IL1RAPL2: variants seen among roughly 807,000 people sequenced by gnomAD.
The protein encoded by IL1RAPL2 is X-linked interleukin-1 receptor accessory protein-like 2.
A neutral mutation model predicts 44.1 loss-of-function variants in IL1RAPL2; 3 were observed. The observed-to-expected ratio is 0.07, with a 90% confidence interval of 0.03 to 0.18. The LOEUF (loss-of-function observed/expected upper bound fraction) is 0.18, where lower values mean the gene tolerates loss of function less well. IL1RAPL2 is among the 10% of genes least tolerant of loss of function. IL1RAPL2 has a pLI of 1.00. For synonymous variants in IL1RAPL2, 181 were observed against 178.8 expected (o/e 1.01, Z -0.10); for missense variants, 391 against 496.4 (o/e 0.79, Z 2.02).
chrX:105,123,586 C>G (rs962775549), intron 2 of IL1RAPL2, among the ~76,000 whole-genome samples: 24 of 111,397 alleles, frequency 2.2e-4, no homozygotes, highest in African/African-American at 7.5e-4. Flanking sequence ...GATTGATGAT[C>G]TGAGATGTAG....
chrX:104,830,831 G>A (rs1299892748), intron 2 of IL1RAPL2, among the ~76,000 whole-genome samples: 2 of 112,018 alleles, frequency 1.8e-5, no homozygotes, highest in Non-Finnish European at 3.8e-5. Context: ...AGTGTCACAT[G>A]GCAATTAATA....
chrX:104,829,723 T>C (rs1341096423), intron 2 of IL1RAPL2, among the ~76,000 whole-genome samples: 2 of 112,626 alleles, frequency 1.8e-5, no homozygotes, highest in African/African-American at 3.2e-5. Context: ...ATTTTGGATA[T>C]GCAATGGGTG....
At chrX:105,578,136 GT>G (rs1238871803) in intron 6 of IL1RAPL2, among the ~76,000 whole-genome samples, 1 of 105,511 alleles carries the variant, frequency 9.5e-6, no homozygotes, top group African/African-American at 3.5e-5. Context: ...GCGGTGTTTG[GT>G]TTTTTGTCCA....
At chrX:105,347,638 T>C (rs2035121444) in intron 5 of IL1RAPL2, among the ~76,000 whole-genome samples, 1 of 110,287 alleles carries the variant, frequency 9.1e-6, no homozygotes, top group Admixed American at 9.8e-5. Context: ...CTGGGCTACC[T>C]GGTTACGGTT....
intron 5 of IL1RAPL2, among the ~76,000 whole-genome samples, chrX:105,365,233 C>A (rs2035284847): frequency 9.0e-6 from 1 of 111,553 alleles, no homozygotes; most frequent in African/African-American, 3.3e-5. Context: ...TGTATCCTTG[C>A]ATTCTTAGGA....
chrX:105,093,949 T>C (rs1025978469), intron 2 of IL1RAPL2, among the ~76,000 whole-genome samples: 4 of 111,976 alleles, frequency 3.6e-5, no homozygotes, highest in Non-Finnish European at 5.6e-5. Flanking sequence ...GCACAGTATC[T>C]CTGAGGTCAG....
In IL1RAPL2 at chrX:104,841,197, C is replaced by T. The variant is rs557353284; in HGVS notation, c.82+182202C>T. On this transcript the variant is annotated intron_variant, in intron 2 of 10. Coordinates refer to ENST00000372582, the MANE Select transcript of IL1RAPL2 (RefSeq NM_017416.2). ...GGTTTAAAGTCTGTTTTATCAGAGACGGAGATTGCAACCCCTGCTTCTTTT... is the reference window on the plus strand; with the variant it reads ...GGTTTAAAGTCTGTTTTATCAGAGATGGAGATTGCAACCCCTGCTTCTTTT... Among the ~76,000 whole-genome samples, 175 of 111,701 alleles carry T rather than the reference C, an allele frequency of 1.6e-3. 1 individual carries two copies. The highest frequency in any genetic ancestry group is 4.9e-3 in the African/African-American group (152 of 30,754).
chrX:105,383,879 A>C (rs2147725473), intron 5 of IL1RAPL2, among the ~76,000 whole-genome samples: 1 of 111,660 alleles, frequency 9.0e-6, no homozygotes, highest in African/African-American at 3.2e-5. Context: ...AATTTTTTTC[A>C]TATACCCACT....
At chrX:105,099,630 A>T (rs1488728963) in intron 2 of IL1RAPL2, among the ~76,000 whole-genome samples, 3 of 104,545 alleles carry the variant, frequency 2.9e-5, no homozygotes, top group Non-Finnish European at 5.9e-5. Context: ...ACGCCTGGCT[A>T]TTTTTTTTTG....
chrX:105,223,662 C>A (rs2033988608), intron 3 of IL1RAPL2, among the ~76,000 whole-genome samples: 1 of 111,730 alleles, frequency 9.0e-6, no homozygotes, highest in East Asian at 2.8e-4. Flanking sequence ...TTCAACAGTG[C>A]AGACAAAACA....
rs370048978 is a variant in IL1RAPL2, at chrX:105,604,297, TA to T, written c.773-113064del. On this transcript the variant is annotated intron_variant, in intron 6 of 10. Coordinates refer to ENST00000372582, the MANE Select transcript of IL1RAPL2 (RefSeq NM_017416.2). ...AAAAAAGAGAGAAGACACAAATAAA[TA>T]AAAAATGAAAAATAAGGCATTAAAA... Among the ~76,000 whole-genome samples the T allele has an allele frequency of 3.9e-3, 428 of 109,820 alleles. 4 individuals carry two copies. Among genetic ancestry groups the T allele is most frequent in the African/African-American group, 0.013 (394 of 30,338 alleles).
intron 2 of IL1RAPL2, among the ~76,000 whole-genome samples, chrX:104,946,379 CAAAAAAAAA>C (rs1157603029): frequency 1.1e-4 from 1 of 9,140 alleles, no homozygotes; most frequent in African/African-American, 5.7e-4. Context: ...GACTCCGTCT[CAAAAAAAAA>C]AAAAAAAAAA....
intron 2 of IL1RAPL2, among the ~76,000 whole-genome samples, chrX:105,079,034 C>A (rs181831214): frequency 1.8e-5 from 2 of 112,330 alleles, no homozygotes; most frequent in East Asian, 5.7e-4. Context: ...ACTGCATCCA[C>A]TATCCTGCAC....
intron 9 of IL1RAPL2, among the ~76,000 whole-genome samples, chrX:105,751,707 T>C (rs1354621303): frequency 8.9e-6 from 1 of 111,803 alleles, no homozygotes; most frequent in Admixed American, 9.5e-5. Context: ...TTTTTCTGCA[T>C]AGAACCTTGG....
At chrX:104,709,956 A>G (rs1931429126) in intron 2 of IL1RAPL2, among the ~76,000 whole-genome samples, 4 of 111,017 alleles carry the variant, frequency 3.6e-5, no homozygotes, top group African/African-American at 1.3e-4. Context: ...TTTCACATCT[A>G]TTTGTATAGC....
At chrX:104,711,119 T>C (rs1311026643) in intron 2 of IL1RAPL2, among the ~76,000 whole-genome samples, 1 of 111,576 alleles carries the variant, frequency 9.0e-6, no homozygotes, top group East Asian at 2.9e-4. Context: ...ACACAAATAC[T>C]GACCTTTGTG....
At chrX:104,798,660 C>T (rs1352308848) in intron 2 of IL1RAPL2, among the ~76,000 whole-genome samples, 4 of 110,915 alleles carry the variant, frequency 3.6e-5, no homozygotes, top group Non-Finnish European at 5.7e-5. Flanking sequence ...AGAGAGACTC[C>T]GTCTCAAAAA....
chrX:104,908,569 G>T (rs1438378393), intron 2 of IL1RAPL2, among the ~76,000 whole-genome samples: 4 of 111,026 alleles, frequency 3.6e-5, no homozygotes, highest in East Asian at 2.8e-4. Flanking sequence ...ATGAAGCTTA[G>T]TTTGGCTGGA....
chrX:105,729,589 C>T, intron 7 of IL1RAPL2, among the ~76,000 whole-genome samples: 1 of 110,088 alleles, frequency 9.1e-6, no homozygotes, highest in Non-Finnish European at 1.9e-5. Flanking sequence ...TTGTGAATTC[C>T]ATGTAGAAGT....
Sources: gnomAD v4.1 joint callset for allele counts (sites outside exome capture counted in the v4.1 genomes callset) on GRCh38, gnomAD v4.1.1 for gene constraint, MANE v1.5 for transcripts, NCBI Gene and HGNC (gene_info 2026-07-23, HGNC 2026-07-21) for gene names.